The following MOB4 variants were observed in gnomAD, a reference collection of about 807,000 sequenced individuals.
MOB4 encodes the protein MOB family member 4, phocein.
In MOB4, 4 loss-of-function variants were observed where a neutral mutation model predicts 32.2. The ratio of observed to expected loss-of-function variants is 0.12; its 90% CI spans 0.06 to 0.28. The LOEUF (loss-of-function observed/expected upper bound fraction) is 0.28. Among genes scored for constraint, MOB4 ranks in the 10% least tolerant of loss-of-function variants. The pLI, the probability that MOB4 is intolerant of heterozygous loss-of-function variation, is 1.00. For synonymous variants in MOB4, 88 were observed against 88.1 expected (o/e 1.00, Z 0.01); for missense variants, 158 against 271.2 (o/e 0.58, Z 2.93).
intron 6 of MOB4, among the ~76,000 whole-genome samples, chr2:197,549,973 G>A (rs1385884639): frequency 1.3e-5 from 2 of 151,898 alleles, no homozygotes; most frequent in Admixed American, 1.3e-4. Context: ...ATGTATTAAT[G>A]TTGGAAATAG....
chr2:197,530,123 C>G (rs1559317530), intron 2 of MOB4, among the ~76,000 whole-genome samples: 1 of 152,054 alleles, frequency 6.6e-6, no homozygotes, highest in Non-Finnish European at 1.5e-5. Context: ...GCGCCTGCCA[C>G]CGTGTCTGGC....
intron 3 of MOB4, among the ~76,000 whole-genome samples, chr2:197,539,721 G>A (rs747152615): frequency 1.5e-4 from 23 of 152,096 alleles, no homozygotes; most frequent in Non-Finnish European, 2.9e-4. Context: ...TAGCTCCTGT[G>A]AACATCTTTA....
intron 1 of MOB4, 69 bp from the exon 2 acceptor site, chr2:197,523,554 CT>C: frequency 6.7e-7 from 1 of 1,483,626 alleles, no homozygotes; most frequent in Non-Finnish European, 9.2e-7. Context: ...AGCTTTGGGT[CT>C]TTATTAAGAA....
At chr2:197,528,593 ATTTTCT>A (rs1291849493) in intron 2 of MOB4, among the ~76,000 whole-genome samples, 26 of 146,966 alleles carry the variant, frequency 1.8e-4, no homozygotes, top group East Asian at 4.0e-4. Context: ...GATGTTCCCA[ATTTTCT>A]TTTTCTTTTT....
At chr2:197,515,917 C>T (rs1394743750), upstream of MOB4, 2 of 634,064 alleles carry the variant, frequency 3.2e-6, no homozygotes, top group South Asian at 4.1e-5. Flanking sequence ...CGTTCGCCCT[C>T]TCCCTCCGCC....
chr2:197,546,420 G>A (rs1440530302), intron 5 of MOB4, among the ~76,000 whole-genome samples: 2 of 151,678 alleles, frequency 1.3e-5, no homozygotes, highest in African/African-American at 2.4e-5. Flanking sequence ...TTTTTGAGAC[G>A]AAATCTTACC....
chr2:197,534,533 A>G (rs1428073298), intron 2 of MOB4, among the ~76,000 whole-genome samples: 1 of 152,028 alleles, frequency 6.6e-6, no homozygotes, highest in Non-Finnish European at 1.5e-5. Flanking sequence ...GTCTAATTTT[A>G]AAGCTTTTTT....
chr2:197,541,616 C>T (rs1183351096), intron 5 of MOB4, among the ~76,000 whole-genome samples: 1 of 152,178 alleles, frequency 6.6e-6, no homozygotes, highest in South Asian at 2.1e-4. Context: ...TTAATTGAAG[C>T]AGTATTAAGA....
intron 1 of MOB4, among the ~76,000 whole-genome samples, chr2:197,518,113 C>T (rs1432747562): frequency 6.6e-6 from 1 of 151,682 alleles, no homozygotes; most frequent in Non-Finnish European, 1.5e-5. Context: ...TGCACTCCAG[C>T]CTGGGTAACA....
chr2:197,526,234 T>G (rs2086609117), intron 2 of MOB4, among the ~76,000 whole-genome samples: 1 of 152,252 alleles, frequency 6.6e-6, no homozygotes, highest in African/African-American at 2.4e-5. Context: ...TTCAGTGCTT[T>G]TTAGATCATA....
chr2:197,551,618 C>T lies in MOB4; in HGVS notation c.*972C>T, dbSNP rs1004727542. The T allele has an allele frequency of 2.6e-5, 4 of 152,668 alleles. No homozygotes were observed. Among genetic ancestry groups the T allele is most frequent in the African/African-American group, 7.2e-5 (3 of 41,434 alleles). 9.5% of individuals were successfully genotyped at this position (152,668 alleles called of 1,614,324 possible). On this transcript the variant is annotated 3_prime_UTR_variant, in exon 8 of 8. Transcript: ENST00000323303. The stretch of plus-strand genomic sequence containing the variant: ...AGTAATATATTAATCTTTCATTTAA[C>T]CAGCTAGGCAGCATTAAATAGAATT...
intron 1 of MOB4, among the ~76,000 whole-genome samples, chr2:197,517,991 A>G (rs1211747423): frequency 6.6e-6 from 1 of 151,928 alleles, no homozygotes; most frequent in Non-Finnish European, 1.5e-5. Flanking sequence ...AATACAAAAA[A>G]TTAGCTGGGC....
chr2:197,538,361 T>C (rs1484658202), intron 3 of MOB4, among the ~76,000 whole-genome samples: 1 of 152,028 alleles, frequency 6.6e-6, no homozygotes, highest in East Asian at 1.9e-4. Context: ...TATTGTATTG[T>C]GTACATTTTA....
chr2:197,534,694 C>T (rs1017806203), intron 2 of MOB4, among the ~76,000 whole-genome samples: 5 of 152,102 alleles, frequency 3.3e-5, no homozygotes, highest in Admixed American at 1.3e-4. Flanking sequence ...AGGTGTGTGC[C>T]ACCACGCCTG....
chr2:197,542,888 C>G (rs574512718), intron 5 of MOB4, among the ~76,000 whole-genome samples: 1 of 152,072 alleles, frequency 6.6e-6, no homozygotes, highest in South Asian at 2.1e-4. Flanking sequence ...ATTAAAAATT[C>G]AGAAACCAGT....
chr2:197,520,435 C>T (rs1366795938), intron 1 of MOB4, among the ~76,000 whole-genome samples: 3 of 152,236 alleles, frequency 2.0e-5, no homozygotes, highest in Admixed American at 1.3e-4. Context: ...CCGGCCTAAA[C>T]TTTATTCATT....
In MOB4 at chr2:197,535,148, A is replaced by G. The variant is rs913315519; in HGVS notation, c.124-382A>G. ...TGAGGTGGGAGGATTGCTTGAGCCCAGGAGGTGGATATTGCAGTGATCTGA... is the reference window on the plus strand; with the variant it reads ...TGAGGTGGGAGGATTGCTTGAGCCCGGGAGGTGGATATTGCAGTGATCTGA... On this transcript the variant is annotated intron_variant, in intron 2 of 7. Transcript: ENST00000323303. Among the ~76,000 whole-genome samples, 5 of 151,366 alleles carry G rather than the reference A, an allele frequency of 3.3e-5. No individual in the cohort carries two copies. In the Admixed American group the frequency reaches 3.3e-4, roughly 10 times the overall value.
At chr2:197,549,000 G>A (rs186319575) in intron 6 of MOB4, among the ~76,000 whole-genome samples, 7 of 152,184 alleles carry the variant, frequency 4.6e-5, no homozygotes, top group East Asian at 3.9e-4. Context: ...AGGCCGAGGC[G>A]TGCGGATCAC....
In MOB4 at chr2:197,551,090, T is replaced by C. The variant is rs1253656460; in HGVS notation, c.*444T>C. 2.6e-5 allele frequency: 4 copies of C among 152,576 alleles called. No homozygotes were observed. The highest frequency in any genetic ancestry group is 1.5e-5 in the Non-Finnish European group (1 of 68,098). 9.5% of individuals were successfully genotyped at this position (152,576 alleles called of 1,614,324 possible). A position where few individuals can be genotyped will look rare whatever the true frequency, so the allele number is the denominator to read the frequency against. ...AATTCTGTAGTACGTAGTTTTGTCT[T>C]ACCTGTTAACTTTCCCCAATTGAGA... On this transcript the variant is annotated 3_prime_UTR_variant, in exon 8 of 8. Coordinates refer to ENST00000323303, the MANE Select transcript of MOB4 (RefSeq NM_015387.5).
Sources: gnomAD v4.1 joint callset for allele counts (sites outside exome capture counted in the v4.1 genomes callset) on GRCh38, gnomAD v4.1.1 for gene constraint, MANE v1.5 for transcripts, NCBI Gene and HGNC (gene_info 2026-07-23, HGNC 2026-07-21) for gene names.